Variants in AP3S1 observed in about 807,000 individuals in gnomAD.
The protein encoded by AP3S1 is adaptor related protein complex 3 subunit sigma 1, also known as AP-3 complex subunit sigma-1.
In AP3S1, 12 loss-of-function variants were observed where a neutral mutation model predicts 21.3. That is an observed-to-expected ratio of 0.56 (90% CI 0.36 to 0.91). The LOEUF is 0.91. AP3S1 is among the 40% of genes least tolerant of loss of function. AP3S1 has a pLI of 0.01. For synonymous variants in AP3S1, 48 were observed against 78.4 expected, an observed-to-expected ratio of 0.61 and a Z score of 2.05; for missense variants, 116 against 225.0, an observed-to-expected ratio of 0.52 and a Z score of 3.10.
intron 1 of AP3S1, among the ~76,000 whole-genome samples, chr5:115,845,707 G>A (rs995308802): frequency 8.6e-5 from 13 of 151,596 alleles, no homozygotes; most frequent in African/African-American, 1.7e-4. Context: ...GGTAGCGCAC[G>A]CCTATAAGTG....
chr5:115,858,386 G>A (rs1762940988), intron 1 of AP3S1, among the ~76,000 whole-genome samples: 1 of 152,164 alleles, frequency 6.6e-6, no homozygotes, highest in African/African-American at 2.4e-5. Flanking sequence ...AAAGTCTGAA[G>A]CAGTTCTGAT....
At chr5:115,892,338 C>CA (rs1401067386) in intron 3 of AP3S1, among the ~76,000 whole-genome samples, 3 of 152,140 alleles carry the variant, frequency 2.0e-5, no homozygotes, top group Non-Finnish European at 4.4e-5. Context: ...ATCAGTGTGT[C>CA]AAAGAGATAT....
chr5:115,909,694 A>G (rs888811796), intron 5 of AP3S1, among the ~76,000 whole-genome samples: 2 of 152,184 alleles, frequency 1.3e-5, no homozygotes, highest in East Asian at 1.9e-4. Context: ...TGTGTCAACT[A>G]TATAATCTTA....
chr5:115,908,068 T>C (rs1751803088), intron 5 of AP3S1, among the ~76,000 whole-genome samples: 1 of 152,160 alleles, frequency 6.6e-6, no homozygotes, highest in South Asian at 2.1e-4. Flanking sequence ...TTTTACTTAC[T>C]CTCTCGATGT....
At chr5:115,869,801 A>G (rs183312167) in intron 2 of AP3S1, among the ~76,000 whole-genome samples, 134 of 152,346 alleles carry the variant, frequency 8.8e-4, no homozygotes, top group Middle Eastern at 3.4e-3. Context: ...GAATGAATGA[A>G]CTGAAATTAA....
intron 5 of AP3S1, among the ~76,000 whole-genome samples, chr5:115,908,358 A>T (rs891155502): frequency 4.6e-5 from 7 of 151,958 alleles, no homozygotes; most frequent in South Asian, 2.1e-4. Context: ...GGCCTTTTTT[A>T]AAAAAAATCA....
At chr5:115,866,555 C>A (rs1244717241) in intron 1 of AP3S1, 115 bp from the exon 2 acceptor site, 1 of 544,240 alleles carries the variant, frequency 1.8e-6, no homozygotes, top group Non-Finnish European at 2.9e-6. Flanking sequence ...CTCCAAGGAC[C>A]CCTCTCTTAG....
At chr5:115,905,737 A>G (rs184453839) in intron 5 of AP3S1, among the ~76,000 whole-genome samples, 92 of 152,352 alleles carry the variant, frequency 6.0e-4, no homozygotes, top group Non-Finnish European at 1.1e-3. Context: ...TGTTACTTCA[A>G]TTGGTTAAAT....
chr5:115,861,208 C>T (rs1218860052), intron 1 of AP3S1, among the ~76,000 whole-genome samples: 2 of 152,154 alleles, frequency 1.3e-5, no homozygotes, highest in Non-Finnish European at 2.9e-5. Flanking sequence ...AATGTTCTAG[C>T]TGTGTCTTAG....
At chr5:115,868,755 G>A (rs768662381) in intron 2 of AP3S1, among the ~76,000 whole-genome samples, 8 of 151,800 alleles carry the variant, frequency 5.3e-5, no homozygotes, top group African/African-American at 1.2e-4. Flanking sequence ...GGTGGTGTGC[G>A]CCTGTAATTG....
intron 1 of AP3S1, among the ~76,000 whole-genome samples, chr5:115,861,087 T>C (rs149833820): frequency 6.6e-6 from 1 of 152,256 alleles, no homozygotes; most frequent in African/African-American, 2.4e-5. Context: ...CAAAGGAAAT[T>C]TGAGCACATT....
chr5:115,863,172 G>T (rs914973366), intron 1 of AP3S1, among the ~76,000 whole-genome samples: 4 of 152,100 alleles, frequency 2.6e-5, no homozygotes, highest in African/African-American at 9.7e-5. Flanking sequence ...GACCGAGGCG[G>T]GTGGATCACC....
intron 1 of AP3S1, among the ~76,000 whole-genome samples, chr5:115,856,855 A>G (rs1278776856): frequency 1.3e-5 from 2 of 152,160 alleles, no homozygotes; most frequent in Non-Finnish European, 2.9e-5. Context: ...TTTAAAATAT[A>G]TATTATTATT....
intron 1 of AP3S1, among the ~76,000 whole-genome samples, chr5:115,845,078 C>G (rs1761959234): frequency 6.6e-6 from 1 of 152,182 alleles, no homozygotes; most frequent in African/African-American, 2.4e-5. Flanking sequence ...TTAAGAATCT[C>G]TGCCTTTAGC....
chr5:115,893,738 A>G (rs1287159135), intron 3 of AP3S1, among the ~76,000 whole-genome samples: 2 of 152,182 alleles, frequency 1.3e-5, no homozygotes, highest in Admixed American at 1.3e-4. Context: ...GAATAGTGGG[A>G]TGACTATTCA....
At chr5:115,870,432 C>G (rs553367727) in intron 3 of AP3S1, among the ~76,000 whole-genome samples, 46 of 152,306 alleles carry the variant, frequency 3.0e-4, no homozygotes, top group Middle Eastern at 3.4e-3. Context: ...CTACCTCTCC[C>G]TGTCTCCTGA....
chr5:115,853,590 C>T (rs1762597781), intron 1 of AP3S1, among the ~76,000 whole-genome samples: 1 of 152,116 alleles, frequency 6.6e-6, no homozygotes, highest in African/African-American at 2.4e-5. Flanking sequence ...GTTTAGTAGC[C>T]TTAATTCTTA....
intron 3 of AP3S1, among the ~76,000 whole-genome samples, chr5:115,891,167 A>G (rs1324840474): frequency 6.6e-6 from 1 of 152,130 alleles, no homozygotes; most frequent in East Asian, 1.9e-4. Context: ...AATGATACTA[A>G]TTTTTTACCT....
intron 1 of AP3S1, among the ~76,000 whole-genome samples, chr5:115,850,179 CTT>C (rs1017282068): frequency 1.4e-4 from 21 of 152,124 alleles, no homozygotes; most frequent in African/African-American, 3.1e-4. Flanking sequence ...TCACAGTTCT[CTT>C]TGTTACTCAG....
Sources: gnomAD v4.1 joint callset for allele counts (sites outside exome capture counted in the v4.1 genomes callset) on GRCh38, gnomAD v4.1.1 for gene constraint, MANE v1.5 for transcripts, NCBI Gene and HGNC (gene_info 2026-07-23, HGNC 2026-07-21) for gene names.